ITFG2: variants seen among roughly 807,000 people sequenced by gnomAD.
ITFG2 encodes integrin alpha FG-GAP repeat containing 2.
Under a neutral mutation model 54.4 loss-of-function variants are expected in ITFG2, and 36 were observed. That is an observed-to-expected ratio of 0.66 (90% CI 0.51 to 0.87). The LOEUF is 0.87. Among genes scored for constraint, ITFG2 ranks in the 40% least tolerant of loss-of-function variants. ITFG2 has a pLI of 0.00. For synonymous variants in ITFG2, 211 were observed against 225.4 expected, an observed-to-expected ratio of 0.94 and a Z score of 0.57; for missense variants, 524 against 576.7, an observed-to-expected ratio of 0.91 and a Z score of 0.94.
chr12:2,843,217 C>A lies in ITFG2; in HGVS notation n.300+2222C>A, dbSNP rs149325535. Among the ~76,000 whole-genome samples, 35 of 152,282 alleles carry A rather than the reference C, an allele frequency of 2.3e-4. No individual in the cohort carries two copies. The East Asian group carries it at 6.2e-3, about 27-fold the overall frequency. The stretch of plus-strand genomic sequence containing the variant: ...GCAGCCAGTTTCTATTTCAGGCTTT[C>A]TCCTCTGGGCCTGTCAGATCTACTG... On this transcript the variant is annotated intron_variant and non_coding_transcript_variant, in intron 2 of 3. Transcript: ENST00000537710.
At chr12:2,822,242 C>G (rs1234226820) in intron 9 of ITFG2, among the ~76,000 whole-genome samples, 1 of 152,116 alleles carries the variant, frequency 6.6e-6, no homozygotes, top group Non-Finnish European at 1.5e-5. Flanking sequence ...TTAGATAGGT[C>G]TAAATCCATC....
chr12:2,819,502 A>G (rs2097934928), intron 4 of ITFG2, among the ~76,000 whole-genome samples: 1 of 151,790 alleles, frequency 6.6e-6, no homozygotes, highest in Admixed American at 6.6e-5. Flanking sequence ...GTGGTGGCAT[A>G]TGCCTGTAAT....
intron 2 of ITFG2, among the ~76,000 whole-genome samples, chr12:2,854,002 G>T (rs1470372627): frequency 2.6e-5 from 4 of 152,134 alleles, no homozygotes; most frequent in African/African-American, 9.7e-5. Context: ...CTGAATTTCT[G>T]TAACGACATC....
chr12:2,814,738 G>T (rs1008262290), intron 1 of ITFG2, among the ~76,000 whole-genome samples: 1 of 152,108 alleles, frequency 6.6e-6, no homozygotes, highest in African/African-American at 2.4e-5. Flanking sequence ...AGGCTGAGGC[G>T]AGAGGATTAC....
chr12:2,827,779 T>C, downstream of ITFG2: 1 of 1,606,762 alleles, frequency 6.2e-7, no homozygotes, highest in Non-Finnish European at 8.5e-7. This position sits in a 1 kb window ranked among gnomAD's most constrained non-coding sequence, Gnocchi z 4.0. Flanking sequence ...CATCCCCAGA[T>C]CCGAGGACAC....
intron 1 of ITFG2, 73 bp downstream of exon 1, chr12:2,812,929 C>G: frequency 7.7e-7 from 1 of 1,291,710 alleles, no homozygotes; most frequent in Non-Finnish European, 1.1e-6. Context: ...GAAGAGGCCG[C>G]CCGAGCGTGC....
chr12:2,830,459 A>G, intron 2 of ITFG2: 1 of 440,496 alleles, frequency 2.3e-6, no homozygotes, highest in Non-Finnish European at 4.0e-6. Flanking sequence ...TACTTACTTA[A>G]TTTAAGTATT....
chr12:2,848,243 C>T (rs984690099), intron 2 of ITFG2, among the ~76,000 whole-genome samples: 1 of 152,152 alleles, frequency 6.6e-6, no homozygotes, highest in Non-Finnish European at 1.5e-5. Context: ...GCAGGTGTGA[C>T]CATCAATGTG....
At chr12:2,855,080 G>A (rs1212339167) in intron 2 of ITFG2, 2 of 1,535,992 alleles carry the variant, frequency 1.3e-6, no homozygotes, top group Non-Finnish European at 1.7e-6. Flanking sequence ...AAGCTGTTTT[G>A]CCCCATCCAG....
chr12:2,828,745 G>A (rs538497760), downstream of ITFG2, among the ~76,000 whole-genome samples: 6 of 152,304 alleles, frequency 3.9e-5, no homozygotes, highest in Non-Finnish European at 7.3e-5. Flanking sequence ...GGGAGGCTGA[G>A]GCAGGAGAAT....
chr12:2,831,841 C>G (rs924987559), upstream of ITFG2, among the ~76,000 whole-genome samples: 1 of 152,150 alleles, frequency 6.6e-6, no homozygotes, highest in African/African-American at 2.4e-5. Context: ...AAGGCATTCT[C>G]TAGCCTCAGC....
At chr12:2,858,529 G>A (rs1267274154) in intron 3 of ITFG2, 2 of 917,284 alleles carry the variant, frequency 2.2e-6, no homozygotes, top group Non-Finnish European at 1.6e-6. Context: ...GGAGCTATGA[G>A]GAGCAGAACA....
chr12:2,834,010 A>G (rs1230676341), upstream of ITFG2, among the ~76,000 whole-genome samples: 7 of 152,086 alleles, frequency 4.6e-5, no homozygotes, highest in Non-Finnish European at 8.8e-5. Context: ...GCCCACTCAC[A>G]TCCTCACTGT....
downstream of ITFG2, chr12:2,828,416 TAAGA>T (rs2097981485): frequency 2.4e-5 from 38 of 1,613,070 alleles, no homozygotes; most frequent in Non-Finnish European, 2.9e-5. Flanking sequence ...GTCCTGGCAC[TAAGA>T]AAGAAGAATC....
At chr12:2,820,252 G>T (rs757047982) in intron 5 of ITFG2, 27 bp downstream of exon 5, 7 of 1,547,514 alleles carry the variant, frequency 4.5e-6, no homozygotes, top group Non-Finnish European at 6.1e-6. Context: ...GGGGAACAAG[G>T]CCCCAGGGAG....
At chr12:2,830,214 C>G (rs1053913413) in intron 2 of ITFG2, 18 of 152,458 alleles carry the variant, frequency 1.2e-4, no homozygotes, top group African/African-American at 4.3e-4. Context: ...CTTTTGCTTG[C>G]AGAATGCGGA....
rs774030931 is a variant in ITFG2 at position 2,845,599 on chromosome 12, T to A, written n.300+4604T>A. Among the ~76,000 whole-genome samples the A allele has an allele frequency of 2.6e-5, 4 of 152,108 alleles. No homozygotes were observed. The highest frequency in any genetic ancestry group is 5.9e-5 in the Non-Finnish European group (4 of 68,010). On this transcript the variant is annotated intron_variant and non_coding_transcript_variant, in intron 2 of 3. Transcript: ENST00000537710. This position sits in a 1 kb window ranked among gnomAD's most constrained non-coding sequence, Gnocchi z 4.2. Reference sequence around the variant, plus strand: ...GATTAACTGTTGTCCGTGAAGCTGGTGGCATTCAGCAGGGCACAGGGTGTT... The same window carrying A: ...GATTAACTGTTGTCCGTGAAGCTGGAGGCATTCAGCAGGGCACAGGGTGTT...
At chr12:2,834,990 G>C, upstream of ITFG2, 1 of 1,552,836 alleles carries the variant, frequency 6.4e-7, no homozygotes. Context: ...ACATGCAGGA[G>C]CAGCCGCGTC....
chr12:2,817,850 A>T, intron 2 of ITFG2, 59 bp from the exon 3 acceptor site: 5 of 1,513,084 alleles, frequency 3.3e-6, no homozygotes, highest in Non-Finnish European at 3.6e-6. Context: ...TGCTTCACAG[A>T]GATCAGGGAG....
Sources: allele counts gnomAD v4.1 joint callset (sites outside exome capture counted in the v4.1 genomes callset), GRCh38; gene constraint gnomAD v4.1.1; non-coding constraint Gnocchi (gnomAD v3.1); transcripts MANE v1.5; gene names NCBI Gene and HGNC (gene_info 2026-07-23, HGNC 2026-07-21).